The following ZNFX1 variants were observed in gnomAD, a reference collection of about 807,000 sequenced individuals.
ZNFX1 encodes the protein NFX1-type zinc finger-containing protein 1.
Under a neutral mutation model 179.8 loss-of-function variants are expected in ZNFX1, and 78 were observed. The observed-to-expected ratio is 0.43, with a 90% CI of 0.36 to 0.52. The LOEUF is 0.52. Ranked by LOEUF, ZNFX1 falls within the 20% of genes least tolerant of loss-of-function variation. The pLI, the probability that ZNFX1 is intolerant of heterozygous loss-of-function variation, is 0.00. For synonymous variants in ZNFX1, 848 were observed against 868.5 expected, an observed-to-expected ratio of 0.98 and a Z score of 0.42; for missense variants, 1,927 against 2,386.6, an observed-to-expected ratio of 0.81 and a Z score of 4.01.
intron 13 of ZNFX1, among the ~76,000 whole-genome samples, chr20:49,251,096 C>T (rs188163688): frequency 2.6e-5 from 4 of 152,082 alleles, no homozygotes; most frequent in Admixed American, 1.3e-4. Context: ...AATTTTCTCC[C>T]AGTAACCAGC....
intron 11 of ZNFX1, among the ~76,000 whole-genome samples, chr20:49,253,039 G>GT (rs1181160502): frequency 1.3e-5 from 2 of 152,270 alleles, no homozygotes; most frequent in African/African-American, 2.4e-5. Context: ...CCCATGGTGG[G>GT]TTTTTTCTAG....
Position 49,247,639 on chromosome 20 carries a change from A to G in ZNFX1, c.5385T>C (p.Leu1795=), listed in dbSNP as rs1488355855. The G allele has an allele frequency of 8.1e-6, 13 of 1,614,050 alleles. No individual in the cohort carries two copies. Among genetic ancestry groups the G allele is most frequent in the Non-Finnish European group, 1.1e-5 (13 of 1,180,050 alleles). ...CTTGGGTGAACTTACATGTTTTCTC[A>G]AGGATATTCTGGACACTATAGACCT... is the stretch of plus-strand genomic sequence containing the variant. ...AVEVYSVQNI[L]EKTCKFTQED... is the part of the protein sequence containing the mutation. Residue 1795 remains leucine (L), a synonymous_variant, in exon 14 of 14, where the codon CTT becomes CTC. Transcript: ENST00000396105.
In ZNFX1 at chr20:49,246,822, G is replaced by A. The variant is rs1980683241; in HGVS notation, c.*445C>T. On this transcript the variant is annotated 3_prime_UTR_variant, in exon 14 of 14. Transcript: ENST00000396105. ...GGGGTAAATCTAGAAACAAATGTGG[G>A]TGAGCCCTAAAAGTGGATCCTTAAG... 2.2e-6 allele frequency: 1 copy of A among 455,566 alleles called. No individual in the cohort carries two copies. The allele number at this position is 455,566 out of a possible 1,614,324, so 28.2% of individuals were successfully genotyped here.
chr20:49,265,165 G>A (rs1007650555), intron 4 of ZNFX1, among the ~76,000 whole-genome samples: 1 of 152,200 alleles, frequency 6.6e-6, no homozygotes, highest in African/African-American at 2.4e-5. Flanking sequence ...TTCTCTGTCT[G>A]TGATTTAGAG....
In ZNFX1 at chr20:49,255,823, C is replaced by T. The variant is rs761626931; in HGVS notation, c.2789G>A (p.Arg930His). The T allele has an allele frequency of 6.2e-6, 10 of 1,613,196 alleles. No homozygotes were observed. The highest frequency in any genetic ancestry group is 7.6e-6 in the Non-Finnish European group (9 of 1,179,558). ...AACACAGTACCTATAAAGCTGCCAGCGAGAACTGAGGTCCAGCTGCCAAAC... is the reference window on the plus strand; with the variant it reads ...AACACAGTACCTATAAAGCTGCCAGTGAGAACTGAGGTCCAGCTGCCAAAC... ...EDVWQLDLSS[R>H]WQLYRLWLQL... The change falls in exon 9 of 14, where the codon CGC becomes CAC. Residue 930 changes from arginine to histidine, a missense_variant. Arg to His is a conservative substitution (Grantham distance 29). Transcript: ENST00000396105.
intron 12 of ZNFX1, 46 bp downstream of exon 12, chr20:49,252,674 A>G (rs1804860598): frequency 6.8e-7 from 1 of 1,475,372 alleles, no homozygotes; most frequent in African/African-American, 1.4e-5. Context: ...GCTTCCCAGG[A>G]GCTTTCTCCT....
rs143043355 is a variant in ZNFX1 at position 49,254,562 on chromosome 20, G to A, written c.2892C>T (p.Ala964=). 211 of 1,613,990 alleles carry A rather than the reference G, an allele frequency of 1.3e-4. 1 individual carries two copies. The highest frequency in any genetic ancestry group is 7.9e-5 in the Non-Finnish European group (93 of 1,180,020). The change falls in exon 10 of 14, where the codon GCC becomes GCT. Residue 964 remains alanine (A), a synonymous_variant. Transcript: ENST00000396105. Reference sequence around the variant, plus strand: ...GCAGGTCTTCCTGGAGTCTCAGCTCGGCCATTCTTTCTGCTGATGTGCGGT... The same window carrying A: ...GCAGGTCTTCCTGGAGTCTCAGCTCAGCCATTCTTTCTGCTGATGTGCGGT... The part of the protein sequence containing the change: ...RQYRTSAERM[A]ELRLQEDLHI...
At chr20:49,259,130 A>G (rs1057021108) in intron 7 of ZNFX1, among the ~76,000 whole-genome samples, 1 of 149,826 alleles carries the variant, frequency 6.7e-6, no homozygotes, top group African/African-American at 2.4e-5. Flanking sequence ...AAATAAATAA[A>G]TAAATAAATA....
rs768769964 is a variant in ZNFX1, at chr20:49,270,357, G to A, written c.1455C>T (p.Cys485=). Residue 485 remains cysteine (C), a synonymous_variant, in exon 3 of 14, where the codon TGC becomes TGT. Transcript: ENST00000396105. This position sits in a 1 kb window ranked among gnomAD's most constrained non-coding sequence, Gnocchi z 4.6. The part of the protein sequence containing the change: ...EDLCRGIVQL[C]FNEQSQQLLA... ...GCAGCTGTTGGCTTTGCTCATTGAA[G>A]CAGAGCTGGACAATTCCTCGGCAGA... 2 of 1,614,210 alleles carry A rather than the reference G, an allele frequency of 1.2e-6. No homozygotes were observed. The highest frequency in any genetic ancestry group is 8.5e-7 in the Non-Finnish European group (1 of 1,180,046).
Position 49,252,694 on chromosome 20 carries a change from G to GT in ZNFX1, c.3216+25dup, listed in dbSNP as rs758425025. 160 of 1,587,146 alleles carry GT rather than the reference G, an allele frequency of 1.0e-4. No homozygotes were observed. The African/African-American group carries it at 1.9e-3, about 19-fold the overall frequency. ...CCAGGAGCTTTCTCCTGGGCATTTG[G>GT]TAACAACAGAGGCCCAGCTTCTCAC... On this transcript the variant is annotated intron_variant, in intron 12 of 13. Coordinates refer to ENST00000396105, the MANE Select transcript of ZNFX1 (RefSeq NM_021035.3).
In ZNFX1 at chr20:49,247,642, G is replaced by A. The variant is rs143641488; in HGVS notation, c.5382C>T (p.Ile1794=). The change falls in exon 14 of 14, where the codon ATC becomes ATT. Residue 1794 remains isoleucine (I), a synonymous_variant. Transcript: ENST00000396105. ...GGGTGAACTTACATGTTTTCTCAAG[G>A]ATATTCTGGACACTATAGACCTCTA... ...IAVEVYSVQN[I]LEKTCKFTQE... is the part of the protein sequence containing the mutation. The A allele has an allele frequency of 1.2e-5, 20 of 1,614,050 alleles. No individual in the cohort carries two copies. Among genetic ancestry groups the A allele is most frequent in the Non-Finnish European group, 1.7e-5 (20 of 1,180,050 alleles).
At chr20:49,258,409 G>A (rs942814436) in intron 7 of ZNFX1, among the ~76,000 whole-genome samples, 1 of 152,128 alleles carries the variant, frequency 6.6e-6, no homozygotes, top group Non-Finnish European at 1.5e-5. Flanking sequence ...TTTTTGAGAA[G>A]AGAAACTAAA....
In ZNFX1 at chr20:49,249,705, A is replaced by T; in HGVS notation, c.3319T>A (p.Ser1107Thr). ...TGTTCTACAAAGAAAAGGTTGGAAG[A>T]CACCCCCTGACAGGGAAAAGAAGTG... ...VLKYEKIKGV[S>T]SNLFFVEHNF... The change falls in exon 14 of 14, where the codon TCT becomes ACT. Residue 1107 changes from serine (S) to threonine (T), a missense_variant. By Grantham distance (58) the Ser-to-Thr change is moderately conservative. Transcript: ENST00000396105. 1.2e-6 allele frequency: 2 copies of T among 1,606,418 alleles called. No individual in the cohort carries two copies. Among genetic ancestry groups the T allele is most frequent in the Non-Finnish European group, 1.7e-6 (2 of 1,175,132 alleles).
In ZNFX1 at chr20:49,246,871, GAT is replaced by G. The variant is rs1491379536; in HGVS notation, c.*394_*395del. ...AGTAGGTGCTAAGACTAAAAAGAAT[GAT>G]TTTTTTTTTTTTGAGACAGAGTCTT... is the stretch of plus-strand genomic sequence containing the variant. On this transcript the variant is annotated 3_prime_UTR_variant, in exon 14 of 14. Coordinates refer to ENST00000396105, the MANE Select transcript of ZNFX1 (RefSeq NM_021035.3). The G allele has an allele frequency of 6.3e-5, 23 of 362,626 alleles. No homozygotes were observed. Among genetic ancestry groups the G allele is most frequent in the Non-Finnish European group, 1.1e-4 (20 of 181,148 alleles). 22.5% of individuals were successfully genotyped at this position (362,626 alleles called of 1,614,324 possible).
intron 3 of ZNFX1, 111 bp downstream of exon 3, chr20:49,269,831 G>A: frequency 7.5e-7 from 1 of 1,340,624 alleles, no homozygotes; most frequent in Non-Finnish European, 1.0e-6. Flanking sequence ...AATAAAAGTT[G>A]GAAAATAAAA....
In ZNFX1 at chr20:49,270,240, C is replaced by G. The variant is rs746017398; in HGVS notation, c.1572G>C (p.Glu524Asp). Residue 524 changes from glutamate (E) to aspartate (D), a missense_variant, in exon 3 of 14, where the codon GAG becomes GAC. Transcript: ENST00000396105. The surrounding 1 kb of genome is among the most constrained non-coding windows in gnomAD (Gnocchi z 4.6). ...AYRHVLEGLQ[E>D]VQEEDVPFQR... The stretch of plus-strand genomic sequence containing the variant: ...GGAAGGGAACATCTTCCTCCTGGAC[C>G]TCCTGGAGTCCTTCCAGGACGTGCC... 2.5e-6 allele frequency: 4 copies of G among 1,614,062 alleles called. No individual in the cohort carries two copies. Among genetic ancestry groups the G allele is most frequent in the Non-Finnish European group, 3.4e-6 (4 of 1,180,024 alleles).
At chr20:49,256,392 C>T (rs1980971772) in intron 8 of ZNFX1, among the ~76,000 whole-genome samples, 1 of 152,150 alleles carries the variant, frequency 6.6e-6, no homozygotes, top group Non-Finnish European at 1.5e-5. Flanking sequence ...GGGGGTGGTA[C>T]TTTCTTGTTG....
At chr20:49,254,030 T>C (rs1600986715) in intron 10 of ZNFX1, among the ~76,000 whole-genome samples, 2 of 7,596 alleles carry the variant, frequency 2.6e-4, no homozygotes, top group Admixed American at 6.9e-4. Context: ...TTCTTTTTTC[T>C]TTTTTTTTTT....
At chr20:49,265,001 A>G (rs1981202852) in intron 4 of ZNFX1, 137 bp from the exon 5 acceptor site, 1 of 1,164,212 alleles carries the variant, frequency 8.6e-7, no homozygotes, top group South Asian at 1.4e-5. Context: ...TACCCCATTA[A>G]TGAGTGAGAA....
Sources: allele counts gnomAD v4.1 joint callset (sites outside exome capture counted in the v4.1 genomes callset), GRCh38; gene constraint gnomAD v4.1.1; non-coding constraint Gnocchi (gnomAD v3.1); transcripts MANE v1.5; gene names NCBI Gene and HGNC (gene_info 2026-07-23, HGNC 2026-07-21).